Variants in GRAMD2A observed in about 807,000 individuals in gnomAD.
GRAMD2A encodes GRAM domain containing 2A, also known as GRAM domain-containing protein 2A.
A neutral mutation model predicts 51.1 loss-of-function variants in GRAMD2A; 37 were observed. The ratio of observed to expected loss-of-function variants is 0.72; its 90% CI spans 0.56 to 0.95. The LOEUF is 0.95. Ranked by LOEUF, GRAMD2A falls within the 40% of genes least tolerant of loss-of-function variation. The probability of loss-of-function intolerance (pLI) is 0.00; values close to 1 mark genes in which losing one functional copy is unlikely to be tolerated. For missense variants in GRAMD2A, 414 were observed against 426.9 expected (o/e 0.97, Z 0.27); for synonymous variants, 136 against 157.1 (o/e 0.87, Z 1.01).
Position 72,163,696 on chromosome 15 carries a change from A to G in GRAMD2A, c.662T>C (p.Leu221Pro). ...KVCPSSRSLS[L>P]PDNIPCIPPS... is the part of the protein sequence containing the mutation. ...AGGGATACAAGGGATGTTGTCTGGG[A>G]GAGACAGGGACCTGGAGGAAGGGCA... Residue 221 changes from leucine (L) to proline (P), a missense_variant, in exon 9 of 12, where the codon CTC becomes CCC. By Grantham distance (98) the Leu-to-Pro change is moderately conservative (BLOSUM62 -3). Transcript: ENST00000309731. The G allele has an allele frequency of 6.2e-7, 1 of 1,609,292 alleles. No homozygotes were observed. Among genetic ancestry groups the G allele is most frequent in the East Asian group, 2.2e-5 (1 of 44,864 alleles).
intron 1 of GRAMD2A, among the ~76,000 whole-genome samples, chr15:72,194,572 G>A (rs1391120795): frequency 6.6e-6 from 1 of 152,152 alleles, no homozygotes; most frequent in Admixed American, 6.5e-5. Context: ...GAGATAGTAG[G>A]CACCAGTGGA....
chr15:72,163,242 C>G, intron 10 of GRAMD2A, 24 bp downstream of exon 10: 1 of 1,569,518 alleles, frequency 6.4e-7, no homozygotes, highest in Non-Finnish European at 8.8e-7. Flanking sequence ...TGGGTCTGTC[C>G]CCCTCCCCAG....
Position 72,168,496 on chromosome 15 carries a change from A to G in GRAMD2A, c.263T>C (p.Leu88Pro). 1 of 1,613,032 alleles carries G rather than the reference A, an allele frequency of 6.2e-7. No individual in the cohort carries two copies. Among genetic ancestry groups the G allele is most frequent in the Non-Finnish European group, 8.5e-7 (1 of 1,179,180 alleles). ...TATACCGGGAGACAGCTCACCTTTG[A>G]GAACCACTTCCTCCAAGGGAACATC... ...FKDVPLEEVV[L>P]KVCSCALQRD... is the part of the protein sequence containing the mutation. The change falls in exon 4 of 12, where the codon CTC becomes CCC. Residue 88 changes from leucine (L) to proline (P), a missense_variant. Coordinates refer to ENST00000309731, the MANE Select transcript of GRAMD2A (RefSeq NM_001012642.3).
rs532540887 is a variant in GRAMD2A at position 72,178,674 on chromosome 15, G to A, written c.42-8735C>T. Among the ~76,000 whole-genome samples, 9 of 144,026 alleles carry A rather than the reference G, an allele frequency of 6.2e-5. No homozygotes were observed. The East Asian group carries it at 6.3e-4, about 10-fold the overall frequency. 94.5% of individuals were successfully genotyped at this position (144,026 alleles called of 152,430 possible). A position where few individuals can be genotyped will look rare whatever the true frequency, so the allele number is the denominator to read the frequency against. ...CACTGCCAGCTCTGCCTCTGGGTTC[G>A]TGCCGTTCTCCTGCCTCAGCCTCCG... On this transcript the variant is annotated intron_variant, in intron 1 of 11. Transcript: ENST00000309731.
In GRAMD2A at chr15:72,170,327, G is replaced by A. The variant is rs1301111997; in HGVS notation, c.42-388C>T. On this transcript the variant is annotated intron_variant, in intron 1 of 11. Coordinates refer to ENST00000309731, the MANE Select transcript of GRAMD2A (RefSeq NM_001012642.3). This position sits in a 1 kb window ranked among gnomAD's most constrained non-coding sequence, Gnocchi z 4.5. ...ACTCGCTTATGCCGAGAACAAAAGT[G>A]TCCAAAGTACCCGCGCAGCATGACT... 2.1e-6 allele frequency: 1 copy of A among 465,298 alleles called. No individual in the cohort carries two copies. The highest frequency in any genetic ancestry group is 2.0e-5 in the African/African-American group (1 of 50,624). 28.8% of individuals were successfully genotyped at this position (465,298 alleles called of 1,614,324 possible).
Position 72,162,372 on chromosome 15 carries a change from C to T in GRAMD2A, c.962G>A (p.Cys321Tyr). 6.2e-7 allele frequency: 1 copy of T among 1,611,468 alleles called. No homozygotes were observed. The highest frequency in any genetic ancestry group is 8.5e-7 in the Non-Finnish European group (1 of 1,177,854). ...GTAGGATGAGGACATGACCAGGAAGCAGATCCTGAAGAAAGCGGCAATACG... is the reference window on the plus strand; with the variant it reads ...GTAGGATGAGGACATGACCAGGAAGTAGATCCTGAAGAAAGCGGCAATACG... ...RLLKVFFVLI[C>Y]FLVMSSSYLA... is the part of the protein sequence containing the mutation. Residue 321 changes from cysteine (C) to tyrosine (Y), a missense_variant, in exon 11 of 12, where the codon TGC (cysteine) becomes TAC (tyrosine). Coordinates refer to ENST00000309731, the MANE Select transcript of GRAMD2A (RefSeq NM_001012642.3).
Position 72,191,349 on chromosome 15 carries a change from G to A in GRAMD2A, c.41+6382C>T, listed in dbSNP as rs544450344. ...TGAGTAGCTGGGATTACAGGTGCCC[G>A]CCACCATGCCCAGCTAATTTTTGTA... is the stretch of plus-strand genomic sequence containing the variant. On this transcript the variant is annotated intron_variant, in intron 1 of 11. Transcript: ENST00000309731. Among the ~76,000 whole-genome samples the A allele has an allele frequency of 3.2e-4, 49 of 152,142 alleles. 1 individual carries two copies. Among genetic ancestry groups the A allele is most frequent in the Admixed American group, 2.2e-3 (34 of 15,284 alleles).
chr15:72,170,617 G>A lies in GRAMD2A; in HGVS notation c.42-678C>T, dbSNP rs1230984710. ...CAGATCCTCTCTCCCTGGGCAGGTC[G>A]GGCTCTCCAATGGCCTTTGAGTTCC... On this transcript the variant is annotated intron_variant, in intron 1 of 11. Coordinates refer to ENST00000309731, the MANE Select transcript of GRAMD2A (RefSeq NM_001012642.3). The surrounding 1 kb of genome is among the most constrained non-coding windows in gnomAD (Gnocchi z 4.5). Among the ~76,000 whole-genome samples, 1 of 152,098 alleles carries A rather than the reference G, an allele frequency of 6.6e-6. No individual in the cohort carries two copies.
intron 1 of GRAMD2A, among the ~76,000 whole-genome samples, chr15:72,180,788 C>T (rs1345045468): frequency 6.6e-6 from 1 of 152,308 alleles, no homozygotes; most frequent in Non-Finnish European, 1.5e-5. Flanking sequence ...CCTTTCTGGG[C>T]CTCAGTGACT....
At chr15:72,195,369 T>C (rs1252080110) in intron 1 of GRAMD2A, among the ~76,000 whole-genome samples, 2 of 152,196 alleles carry the variant, frequency 1.3e-5, no homozygotes, top group Non-Finnish European at 2.9e-5. Flanking sequence ...AGTGAGGCTC[T>C]TCCCTCCAGC....
Position 72,166,986 on chromosome 15 carries a change from G to T in GRAMD2A, c.471+8C>A, listed in dbSNP as rs1205969763. 1.2e-6 allele frequency: 2 copies of T among 1,606,436 alleles called. No homozygotes were observed. ...ACTGACAAGGGAGCATGGGCCCAGT[G>T]CACTGACCTTCTGGCTGGTGTTGGT... On this transcript the variant is annotated splice_region_variant and intron_variant, in intron 6 of 11. Coordinates refer to ENST00000309731, the MANE Select transcript of GRAMD2A (RefSeq NM_001012642.3). The surrounding 1 kb of genome is among the most constrained non-coding windows in gnomAD (Gnocchi z 4.1).
rs374999382 is a variant in GRAMD2A, at chr15:72,169,846, C to T, written c.134+1G>A. The T allele has an allele frequency of 1.9e-6, 3 of 1,610,876 alleles. No individual in the cohort carries two copies. Among genetic ancestry groups the T allele is most frequent in the South Asian group, 1.1e-5 (1 of 91,040 alleles). On this transcript the variant is annotated splice_donor_variant, in intron 2 of 11. Transcript: ENST00000309731. LOFTEE classifies it high-confidence loss of function. ...TCTATGACTGGGAAAGGGGTCCTCA[C>T]CTGTAGTCCGGGGGCTCCTCAACTC...
At chr15:72,186,803 C>T (rs1448685874) in intron 1 of GRAMD2A, among the ~76,000 whole-genome samples, 1 of 151,950 alleles carries the variant, frequency 6.6e-6, no homozygotes, top group Non-Finnish European at 1.5e-5. Context: ...TAAGTTAGAG[C>T]TCCTATATGT....
chr15:72,189,443 A>G (rs1203554530), intron 1 of GRAMD2A, among the ~76,000 whole-genome samples: 1 of 152,218 alleles, frequency 6.6e-6, no homozygotes, highest in Non-Finnish European at 1.5e-5. Flanking sequence ...ATACTGTTCT[A>G]TTGCTATTCA....
chr15:72,186,756 C>A (rs2081736988), intron 1 of GRAMD2A, among the ~76,000 whole-genome samples: 2 of 152,192 alleles, frequency 1.3e-5, no homozygotes, highest in South Asian at 4.2e-4. Context: ...GGTATTTTAT[C>A]AGTATAATGG....
chr15:72,179,210 A>G (rs554510599), intron 1 of GRAMD2A, among the ~76,000 whole-genome samples: 1 of 152,310 alleles, frequency 6.6e-6, no homozygotes, highest in African/African-American at 2.4e-5. Flanking sequence ...CCAGAGGCCT[A>G]TCTTCCCAAG....
At chr15:72,195,211 A>G (rs966328217) in intron 1 of GRAMD2A, among the ~76,000 whole-genome samples, 1 of 152,210 alleles carries the variant, frequency 6.6e-6, no homozygotes, top group African/African-American at 2.4e-5. Context: ...GAATCACTGG[A>G]TGACTGCATG....
chr15:72,178,568 C>CTTTTTTTTTT (rs537075334), intron 1 of GRAMD2A, among the ~76,000 whole-genome samples: 5 of 84,198 alleles, frequency 5.9e-5, no homozygotes, highest in African/African-American at 9.4e-5. Flanking sequence ...CTTGCACTTT[C>CTTTTTTTTTT]TTTTTTTTTT....
chr15:72,165,826 A>C (rs1258294129), intron 7 of GRAMD2A, among the ~76,000 whole-genome samples: 1 of 150,654 alleles, frequency 6.6e-6, no homozygotes, highest in Non-Finnish European at 1.5e-5. Flanking sequence ...ACTGTACTTC[A>C]AGTACCTATA....
Sources: gnomAD v4.1 joint callset for allele counts (sites outside exome capture counted in the v4.1 genomes callset) on GRCh38, gnomAD v4.1.1 for gene constraint, Gnocchi (gnomAD v3.1) non-coding constraint, MANE v1.5 for transcripts, NCBI Gene and HGNC (gene_info 2026-07-23, HGNC 2026-07-21) for gene names.